Variants in SHISA9 observed in about 807,000 individuals in gnomAD.
The protein encoded by SHISA9 is protein shisa-9.
A neutral mutation model predicts 38.0 loss-of-function variants in SHISA9; 13 were observed. The ratio of observed to expected loss-of-function variants is 0.34; its 90% CI spans 0.22 to 0.54. The LOEUF (loss-of-function observed/expected upper bound fraction) is 0.54, where lower values mean the gene tolerates loss of function less well. Among genes scored for constraint, SHISA9 ranks in the 20% least tolerant of loss-of-function variants. SHISA9 has a pLI of 0.91. For synonymous variants in SHISA9, 275 were observed against 242.0 expected (o/e 1.14, Z -1.27); for missense variants, 538 against 575.8 (o/e 0.93, Z 0.67).
chr16:13,232,721 A>G (rs2819682), intron 4 of SHISA9, among the ~76,000 whole-genome samples: 1 of 152,120 alleles, frequency 6.6e-6, no homozygotes, highest in Non-Finnish European at 1.5e-5. Flanking sequence ...TCAAGGCTAT[A>G]GGTAAATGTA....
chr16:13,106,318 G>A lies in SHISA9; in HGVS notation c.692-97076G>A, dbSNP rs552650673. On this transcript the variant is annotated intron_variant, in intron 2 of 4. Transcript: ENST00000558583. ...TTCTGGGCCCAGCATGAAGCCTGAT[G>A]TACAGTAGCAAATTTGGTGCAAGTT... Among the ~76,000 whole-genome samples the A allele has an allele frequency of 3.9e-5, 6 of 152,296 alleles. No homozygotes were observed. The South Asian group carries it at 1.2e-3, about 32-fold the overall frequency.
the SHISA9 span, among the ~76,000 whole-genome samples, chr16:13,505,130 T>G: frequency 6.6e-6 from 1 of 152,220 alleles, no homozygotes; most frequent in East Asian, 1.9e-4. Context: ...CAAATTCCAG[T>G]ATGGTTATCT....
chr16:13,497,522 A>G, the SHISA9 span, among the ~76,000 whole-genome samples: 107 of 152,142 alleles, frequency 7.0e-4, no homozygotes, highest in African/African-American at 2.3e-3. Context: ...CATCTCTACA[A>G]CAAATACAAA....
chr16:13,181,267 TTA>T (rs1156705123), intron 2 of SHISA9, among the ~76,000 whole-genome samples: 2,839 of 79,240 alleles, frequency 0.036, 40 homozygotes, highest in Non-Finnish European at 0.048. Context: ...AAATAAAATT[TTA>T]TATATATATA....
chr16:13,359,629 C>G, the SHISA9 span, among the ~76,000 whole-genome samples: 1 of 152,136 alleles, frequency 6.6e-6, no homozygotes, highest in Non-Finnish European at 1.5e-5. Context: ...CATACTTTTA[C>G]CTCTCTGAGA....
the SHISA9 span, among the ~76,000 whole-genome samples, chr16:13,294,251 C>G: frequency 6.6e-6 from 1 of 152,228 alleles, no homozygotes; most frequent in African/African-American, 2.4e-5. Flanking sequence ...TTATATATCA[C>G]ATGACCATGG....
chr16:13,311,936 A>G, the SHISA9 span, among the ~76,000 whole-genome samples: 1 of 152,222 alleles, frequency 6.6e-6, no homozygotes, highest in Non-Finnish European at 1.5e-5. Context: ...CCCTGCCTGT[A>G]ACATATTAAA....
At chr16:13,070,166 C>T (rs1365420151) in intron 2 of SHISA9, among the ~76,000 whole-genome samples, 1 of 146,328 alleles carries the variant, frequency 6.8e-6, no homozygotes, top group Non-Finnish European at 1.5e-5. Flanking sequence ...ACGCATGTGT[C>T]TGTGGAAACT....
the SHISA9 span, among the ~76,000 whole-genome samples, chr16:13,401,181 T>C: frequency 6.6e-6 from 1 of 152,240 alleles, no homozygotes; most frequent in Admixed American, 6.5e-5. Context: ...TCTTCAAAGC[T>C]CTTTACCTCC....
rs537647633 is a variant in SHISA9, at chr16:12,986,349, C to T, written c.691+69534C>T. Among the ~76,000 whole-genome samples, 5 of 151,976 alleles carry T rather than the reference C, an allele frequency of 3.3e-5. No individual in the cohort carries two copies. The South Asian group carries it at 6.2e-4, about 19-fold the overall frequency. On this transcript the variant is annotated intron_variant, in intron 2 of 4. Transcript: ENST00000558583. ...TGCTATTTGTGTGTGGTTGGGGAGA[C>T]GAGGGTGAAGTATTGTTTTTAGAAG...
chr16:12,979,886 C>T (rs910822647), intron 2 of SHISA9, among the ~76,000 whole-genome samples: 8 of 152,120 alleles, frequency 5.3e-5, no homozygotes, highest in African/African-American at 1.9e-4. Flanking sequence ...TCTCTTCCTT[C>T]TTTACTACGA....
intron 2 of SHISA9, among the ~76,000 whole-genome samples, chr16:13,134,294 G>A (rs1044646542): frequency 1.3e-5 from 2 of 152,126 alleles, no homozygotes; most frequent in African/African-American, 2.4e-5. Flanking sequence ...TGTACGTAAA[G>A]CACATAGCAC....
At chr16:13,173,314 G>GAT (rs200526665) in intron 2 of SHISA9, among the ~76,000 whole-genome samples, 21 of 146,914 alleles carry the variant, frequency 1.4e-4, no homozygotes, top group African/African-American at 3.8e-4. Context: ...TATATGCTTT[G>GAT]ATATATATAT....
At chr16:13,064,059 C>T (rs958143804) in intron 2 of SHISA9, among the ~76,000 whole-genome samples, 8 of 152,282 alleles carry the variant, frequency 5.3e-5, no homozygotes, top group South Asian at 2.1e-4. Flanking sequence ...ATTGCGTCCA[C>T]GTTTAATTTC....
chr16:13,090,464 T>C (rs1209051291), intron 2 of SHISA9, among the ~76,000 whole-genome samples: 1 of 152,196 alleles, frequency 6.6e-6, no homozygotes, highest in Non-Finnish European at 1.5e-5. Context: ...TCTAAGGACT[T>C]GCTTTATGAA....
chr16:13,141,195 ATTTCC>A (rs2050398665), intron 2 of SHISA9, among the ~76,000 whole-genome samples: 1 of 152,230 alleles, frequency 6.6e-6, no homozygotes, highest in East Asian at 1.9e-4. Context: ...ATTCTTGCTT[ATTTCC>A]TTCCAGTCTT....
chr16:13,500,834 A>C, the SHISA9 span, among the ~76,000 whole-genome samples: 1 of 152,334 alleles, frequency 6.6e-6, no homozygotes, highest in Middle Eastern at 3.4e-3. Context: ...AGCTCTAAGA[A>C]GCACCAAGAC....
chr16:13,037,514 AG>A (rs78201410), intron 2 of SHISA9, among the ~76,000 whole-genome samples: 4,790 of 152,114 alleles, frequency 0.031, 164 homozygotes, highest in South Asian at 0.15. Flanking sequence ...TCAATGTCTG[AG>A]GGTATGGACA....
chr16:13,432,361 G>T, the SHISA9 span, among the ~76,000 whole-genome samples: 8 of 152,206 alleles, frequency 5.3e-5, no homozygotes, highest in Admixed American at 3.9e-4. Context: ...AATCTGGAAT[G>T]GAGGGTGAGA....
Sources: allele counts gnomAD v4.1 joint callset (sites outside exome capture counted in the v4.1 genomes callset), GRCh38; gene constraint gnomAD v4.1.1; transcripts MANE v1.5; gene names NCBI Gene and HGNC (gene_info 2026-07-23, HGNC 2026-07-21).